The following ZDHHC1 variants were observed in gnomAD, a reference collection of about 807,000 sequenced individuals.
The protein encoded by ZDHHC1 is palmitoyltransferase ZDHHC1.
Under a neutral mutation model 46.9 loss-of-function variants are expected in ZDHHC1, and 45 were observed. That is an observed-to-expected ratio of 0.96 (90% CI 0.76 to 1.23). ZDHHC1 has a LOEUF of 1.23. Among genes scored for constraint, ZDHHC1 ranks in the 50% most tolerant of loss-of-function variants. The probability of loss-of-function intolerance (pLI) is 0.00; values close to 1 mark genes in which losing one functional copy is unlikely to be tolerated. For synonymous variants in ZDHHC1, 291 were observed against 286.0 expected (o/e 1.02, Z -0.18); for missense variants, 649 against 670.8 (o/e 0.97, Z 0.36).
chr16:67,396,584 C>T (rs1226502291), intron 8 of ZDHHC1, among the ~76,000 whole-genome samples: 1 of 152,178 alleles, frequency 6.6e-6, no homozygotes, highest in African/African-American at 2.4e-5. Flanking sequence ...GGGTGGCTGC[C>T]TGCAGGGCCC....
chr16:67,414,800 C>T (rs962697555), intron 1 of ZDHHC1, among the ~76,000 whole-genome samples: 2 of 152,242 alleles, frequency 1.3e-5, no homozygotes, highest in Non-Finnish European at 2.9e-5. Context: ...GGATGGCCCT[C>T]AACTGACTTC....
intron 8 of ZDHHC1, among the ~76,000 whole-genome samples, chr16:67,396,871 A>G (rs1240500172): frequency 6.6e-6 from 1 of 152,202 alleles, no homozygotes; most frequent in Non-Finnish European, 1.5e-5. Flanking sequence ...GGCCAGCAGT[A>G]GAGGAGGTCT....
intron 1 of ZDHHC1, among the ~76,000 whole-genome samples, chr16:67,408,689 T>C (rs2040703791): frequency 6.6e-6 from 1 of 152,124 alleles, no homozygotes; most frequent in African/African-American, 2.4e-5. Context: ...TCCCACTATG[T>C]TGCCCAGGCT....
At position 67,406,586 on chromosome 16, in the gene ZDHHC1, A is replaced by T; in HGVS notation, c.10-144T>A. On this transcript the variant is annotated intron_variant, in intron 2 of 11. Transcript: ENST00000565726. The surrounding 1 kb of genome is among the most constrained non-coding windows in gnomAD (Gnocchi z 4.1). ...GGGGAAACTGGGGTCCTAGCACAATAGAGATGGGCAGTGGGGAGAGGGTGG... is the reference window on the plus strand; with the variant it reads ...GGGGAAACTGGGGTCCTAGCACAATTGAGATGGGCAGTGGGGAGAGGGTGG... 4.7e-6 allele frequency: 5 copies of T among 1,075,084 alleles called. No homozygotes were observed. The highest frequency in any genetic ancestry group is 6.4e-6 in the Non-Finnish European group (5 of 780,090). 66.6% of individuals were successfully genotyped at this position (1,075,084 alleles called of 1,614,324 possible). A position where few individuals can be genotyped will look rare whatever the true frequency, so the allele number is the denominator to read the frequency against.
rs912099345 is a variant in ZDHHC1, at chr16:67,416,216, C to G, written c.-84G>C. On this transcript the variant is annotated 5_prime_UTR_variant, in exon 1 of 12. Transcript: ENST00000565726. ...GCCAGATGGGCCCTGCCAAAGTCAGCCAGAGGTTCGGGCCCCACGCCTGGC... is the reference window on the plus strand; with the variant it reads ...GCCAGATGGGCCCTGCCAAAGTCAGGCAGAGGTTCGGGCCCCACGCCTGGC... 1.3e-5 allele frequency: 2 copies of G among 153,036 alleles called. No homozygotes were observed. Among genetic ancestry groups the G allele is most frequent in the Admixed American group, 1.3e-4 (2 of 15,292 alleles). The allele number at this position is 153,036 out of a possible 1,614,324, so 9.5% of individuals were successfully genotyped here.
At chr16:67,395,958 G>C (rs2040422486) in intron 8 of ZDHHC1, 1 of 211,316 alleles carries the variant, frequency 4.7e-6, no homozygotes, top group African/African-American at 2.3e-5. Context: ...AAACAGGCCT[G>C]AGTGTGCATC....
At position 67,398,637 on chromosome 16, in the gene ZDHHC1, G is replaced by A. The variant is rs765965981; in HGVS notation, c.750C>T (p.Leu250=). ...CTGTGGACAGGAGGCCCAGAAGGATGAGCAGGGCGGCCAGGGCCAGGATGG... is the reference window on the plus strand; with the variant it reads ...CTGTGGACAGGAGGCCCAGAAGGATAAGCAGGGCGGCCAGGGCCAGGATGG... ...APAILALAAL[L]ILLGLLSTAL... The change falls in exon 7 of 12, where the codon CTC becomes CTT. Residue 250 remains leucine, a synonymous_variant. Transcript: ENST00000565726. The A allele has an allele frequency of 7.5e-6, 12 of 1,606,890 alleles. No individual in the cohort carries two copies. The African/African-American group carries it at 9.3e-5, about 13-fold the overall frequency.
chr16:67,415,390 C>T (rs1300955167), intron 1 of ZDHHC1, among the ~76,000 whole-genome samples: 1 of 151,560 alleles, frequency 6.6e-6, no homozygotes, highest in Non-Finnish European at 1.5e-5. Flanking sequence ...GCCCGGGAGC[C>T]GGAGCCTGCG....
chr16:67,399,545 A>C (rs1344952877), intron 4 of ZDHHC1, 89 bp from the exon 5 acceptor site: 1 of 1,113,782 alleles, frequency 9.0e-7, no homozygotes, highest in Non-Finnish European at 1.3e-6. Context: ...GGGTCTGTGG[A>C]GGGACCAAGC....
chr16:67,401,203 G>C lies in ZDHHC1; in HGVS notation c.253-71C>G. Reference sequence around the variant, plus strand: ...TCCTGCCCCGTTCCTTGCAGCCAGAGAACTCCCCACTGCCATGCCAGCCCG... The same window carrying C: ...TCCTGCCCCGTTCCTTGCAGCCAGACAACTCCCCACTGCCATGCCAGCCCG... On this transcript the variant is annotated intron_variant, in intron 3 of 11. Transcript: ENST00000565726. This position sits in a 1 kb window ranked among gnomAD's most constrained non-coding sequence, Gnocchi z 4.6. The C allele has an allele frequency of 1.3e-6, 2 of 1,568,800 alleles. No homozygotes were observed. Among genetic ancestry groups the C allele is most frequent in the South Asian group, 2.4e-5 (2 of 83,766 alleles).
chr16:67,394,830 TGC>T lies in ZDHHC1; in HGVS notation c.1227_1228del (p.His410ArgfsTer88), dbSNP rs1311485656. On this transcript the variant is annotated frameshift_variant, in exon 12 of 12. Transcript: ENST00000565726. LOFTEE classifies it low-confidence loss of function (END_TRUNC). Reference sequence around the variant, plus strand: ...GTAGGCGCCGGCAGGGCCAGCGGCGTGCACAGGGCTGGCGTCCGCGGAATCCG... The same window carrying T: ...GTAGGCGCCGGCAGGGCCAGCGGCGTACAGGGCTGGCGTCCGCGGAATCCG... 3 of 1,545,648 alleles carry T rather than the reference TGC, an allele frequency of 1.9e-6. No individual in the cohort carries two copies. Among genetic ancestry groups the T allele is most frequent in the South Asian group, 2.4e-5 (2 of 83,832 alleles).
chr16:67,398,716 G>C lies in ZDHHC1; in HGVS notation c.671C>G (p.Thr224Arg), dbSNP rs771717124. The change falls in exon 7 of 12, where the codon ACG becomes AGG. Residue 224 changes from threonine (T) to arginine (R), a missense_variant. Coordinates refer to ENST00000565726, the MANE Select transcript of ZDHHC1 (RefSeq NM_001323627.2). ...NRHFEVLKNH[T>R]DVWFVFLPAA... ...AGGCAGGAACACGAACCACACATCC[G>C]TGTGATTCTTCAGGACTGCAAGGCA... is the stretch of plus-strand genomic sequence containing the variant. The C allele has an allele frequency of 1.1e-5, 18 of 1,609,424 alleles. No individual in the cohort carries two copies. The highest frequency in any genetic ancestry group is 8.5e-7 in the Non-Finnish European group (1 of 1,178,544).
At position 67,406,154 on chromosome 16, in the gene ZDHHC1, T is replaced by A. The variant is rs1235615066; in HGVS notation, c.252+46A>T. The A allele has an allele frequency of 6.3e-7, 1 of 1,585,626 alleles. No homozygotes were observed. Among genetic ancestry groups the A allele is most frequent in the African/African-American group, 1.3e-5 (1 of 74,400 alleles). On this transcript the variant is annotated intron_variant, in intron 3 of 11. Coordinates refer to ENST00000565726, the MANE Select transcript of ZDHHC1 (RefSeq NM_001323627.2). This position sits in a 1 kb window ranked among gnomAD's most constrained non-coding sequence, Gnocchi z 4.1. ...GGCCTCCGCTGTGCCAGCCATCCTT[T>A]GCCTCCCCACTTCCACACACCAGCC...
At chr16:67,395,436 C>G (rs1039334029) in intron 9 of ZDHHC1, 48 bp downstream of exon 9, 2 of 1,548,712 alleles carry the variant, frequency 1.3e-6, no homozygotes, top group African/African-American at 2.7e-5. Context: ...GATGGCCCTG[C>G]CATGCTAACT....
Position 67,406,203 on chromosome 16 carries a change from G to A in ZDHHC1, c.249C>T (p.Tyr83=), listed in dbSNP as rs199529796. Residue 83 remains tyrosine (Y), a synonymous_variant, in exon 3 of 12, where the codon TAC becomes TAT. Coordinates refer to ENST00000565726, the MANE Select transcript of ZDHHC1 (RefSeq NM_001323627.2). The surrounding 1 kb of genome is among the most constrained non-coding windows in gnomAD (Gnocchi z 4.1). The part of the protein sequence containing the change: ...LLPHHWVPAG[Y]ACMGAIFAGH... ...CCCTACGCTTTCCCAAGGATACAGC[G>A]TAGCCAGCGGGCACCCAGTGGTGAG... The A allele has an allele frequency of 1.9e-5, 31 of 1,613,746 alleles. No individual in the cohort carries two copies. Among genetic ancestry groups the A allele is most frequent in the African/African-American group, 1.5e-4 (11 of 75,052 alleles).
intron 4 of ZDHHC1, among the ~76,000 whole-genome samples, chr16:67,400,555 G>A (rs998163638): frequency 7.2e-5 from 11 of 152,192 alleles, no homozygotes; most frequent in Admixed American, 5.2e-4. Flanking sequence ...CTTTCTAAGC[G>A]CTGGGCTCTT....
rs1328207028 is a variant in ZDHHC1, at chr16:67,394,890, G to C, written c.1169C>G (p.Pro390Arg). 3 of 1,561,580 alleles carry C rather than the reference G, an allele frequency of 1.9e-6. No homozygotes were observed. In the East Asian group the frequency reaches 7.0e-5, roughly 37 times the overall value. ...GCTGGAGCGGCGGCTGGGGGCCCTA[G>C]GCCCTGCGCAAGGGAAGGGAACATG... ...TSETSDPASG[P>R]RAPSRRSSSS... is the part of the protein sequence containing the mutation. Residue 390 changes from proline (P) to arginine (R), a missense_variant, in exon 12 of 12, where the codon CCT becomes CGT. Pro to Arg is a moderately radical substitution (Grantham distance 103). Transcript: ENST00000565726.
chr16:67,395,108 A>T, intron 10 of ZDHHC1, 46 bp from the exon 11 acceptor site: 2 of 1,613,236 alleles, frequency 1.2e-6, no homozygotes, highest in Non-Finnish European at 1.7e-6. Context: ...CGCCAAAAGA[A>T]GCAGAGGCGA....
At position 67,399,090 on chromosome 16, in the gene ZDHHC1, C is replaced by T. The variant is rs995869046; in HGVS notation, c.531-146G>A. On this transcript the variant is annotated intron_variant, in intron 5 of 11. Coordinates refer to ENST00000565726, the MANE Select transcript of ZDHHC1 (RefSeq NM_001323627.2). ...CAACTCCTCAGAAGCCAAAGGCATACGGCAAAACTGAAGATGGGTGGCCAC... is the reference window on the plus strand; with the variant it reads ...CAACTCCTCAGAAGCCAAAGGCATATGGCAAAACTGAAGATGGGTGGCCAC... 3.9e-5 allele frequency: 48 copies of T among 1,226,816 alleles called. No individual in the cohort carries two copies. In the African/African-American group the frequency reaches 6.0e-4, roughly 15 times the overall value. The allele number at this position is 1,226,816 out of a possible 1,614,324, so 76.0% of individuals were successfully genotyped here.
Sources: allele counts gnomAD v4.1 joint callset (sites outside exome capture counted in the v4.1 genomes callset), GRCh38; gene constraint gnomAD v4.1.1; non-coding constraint Gnocchi (gnomAD v3.1); transcripts MANE v1.5; gene names NCBI Gene and HGNC (gene_info 2026-07-23, HGNC 2026-07-21).